Variants in PDZD2 observed in about 807,000 individuals in gnomAD.
PDZD2 encodes PDZ domain containing 2.
In PDZD2, 90 loss-of-function variants were observed where a neutral mutation model predicts 220.7. The observed-to-expected ratio is 0.41, with a 90% CI of 0.34 to 0.49. The LOEUF is 0.49. PDZD2 is among the 20% of genes least tolerant of loss of function. The probability of loss-of-function intolerance (pLI) is 0.28; values close to 1 mark genes in which losing one functional copy is unlikely to be tolerated. For synonymous variants in PDZD2, 1,375 were observed against 1,450.5 expected (o/e 0.95, Z 1.18); for missense variants, 3,174 against 3,608.5 (o/e 0.88, Z 3.08).
At chr5:31,914,088 T>C (rs1743450896) in intron 2 of PDZD2, among the ~76,000 whole-genome samples, 2 of 152,218 alleles carry the variant, frequency 1.3e-5, no homozygotes, top group Non-Finnish European at 2.9e-5. Flanking sequence ...TCCAGTGCCA[T>C]GTGATCCCAG....
chr5:32,035,747 T>C (rs1482525406), intron 6 of PDZD2, among the ~76,000 whole-genome samples: 1 of 152,158 alleles, frequency 6.6e-6, no homozygotes, highest in African/African-American at 2.4e-5. Flanking sequence ...AAAATGCAAA[T>C]CAAGAAGCTT....
intron 24 of PDZD2, among the ~76,000 whole-genome samples, chr5:32,102,647 A>G (rs1459850085): frequency 2.0e-5 from 3 of 152,134 alleles, no homozygotes; most frequent in South Asian, 4.1e-4. Flanking sequence ...CACAACAGAA[A>G]GCTCTCAGAC....
In PDZD2 at chr5:32,061,033, G is replaced by A. The variant is rs777929856; in HGVS notation, c.2350G>A (p.Val784Ile). The A allele has an allele frequency of 1.6e-5, 26 of 1,614,042 alleles. No individual in the cohort carries two copies. In the East Asian group the frequency reaches 2.0e-4, roughly 12 times the overall value. ...GGATCAAATCCTGGAAGTGAACTCC[G>A]TCAACGTCCGCCATGCTGCTTTAAG... The part of the protein sequence containing the change: ...RGDQILEVNS[V>I]NVRHAALSKV... Residue 784 changes from valine to isoleucine, a missense_variant, in exon 14 of 25, where the codon GTC becomes ATC. Physicochemically the swap from Val to Ile is conservative, Grantham distance 29. Around this residue, in one of 4 missense-constraint regions of PDZD2, gnomAD observed 1,861 missense variants for 2,001.0 expected, o/e 0.93. Transcript: ENST00000438447.
At chr5:31,712,672 T>C (rs144156178) in intron 1 of PDZD2, among the ~76,000 whole-genome samples, 3,032 of 152,196 alleles carry the variant, frequency 0.02, 57 homozygotes, top group South Asian at 0.072. Context: ...CCATATTCCA[T>C]TGGCCGAGCA....
chr5:31,886,715 TGA>T, intron 2 of PDZD2, among the ~76,000 whole-genome samples: 1 of 150,124 alleles, frequency 6.7e-6, no homozygotes, highest in East Asian at 2.0e-4. Context: ...TTTTTTTTTT[TGA>T]GACGGAGTCT....
At chr5:31,920,112 C>T (rs1020901084) in intron 2 of PDZD2, among the ~76,000 whole-genome samples, 6 of 151,296 alleles carry the variant, frequency 4.0e-5, no homozygotes, top group African/African-American at 1.2e-4. Flanking sequence ...GACAAAACCA[C>T]GTCTCTACCA....
At chr5:31,822,956 A>G in intron 2 of PDZD2, 4 of 1,079,040 alleles carry the variant, frequency 3.7e-6, no homozygotes, top group Middle Eastern at 3.0e-4. Context: ...CTGTTACCCC[A>G]CCATTTGTCA....
intron 2 of PDZD2, among the ~76,000 whole-genome samples, chr5:31,838,817 G>C (rs549187799): frequency 6.6e-6 from 1 of 152,312 alleles, no homozygotes; most frequent in South Asian, 2.1e-4. Context: ...TTCCCAAGAG[G>C]CCAGGTCTGT....
At chr5:31,910,738 C>T (rs1182842698) in intron 2 of PDZD2, among the ~76,000 whole-genome samples, 1 of 151,760 alleles carries the variant, frequency 6.6e-6, no homozygotes, top group Non-Finnish European at 1.5e-5. Flanking sequence ...CCATGTTGGC[C>T]AGGCTGGTCT....
At chr5:31,777,153 C>T (rs573550693) in intron 1 of PDZD2, among the ~76,000 whole-genome samples, 6 of 152,254 alleles carry the variant, frequency 3.9e-5, no homozygotes, top group Admixed American at 1.3e-4. Flanking sequence ...CGCGGGGCAG[C>T]GTGAGTTCCG....
intron 2 of PDZD2, among the ~76,000 whole-genome samples, chr5:31,894,672 G>T (rs1741376951): frequency 6.6e-6 from 1 of 152,000 alleles, no homozygotes; most frequent in African/African-American, 2.4e-5. Flanking sequence ...TTTTATTCTG[G>T]TTTTTCTATA....
chr5:31,766,717 TA>T (rs1327407201), intron 1 of PDZD2, among the ~76,000 whole-genome samples: 1 of 148,254 alleles, frequency 6.7e-6, no homozygotes, highest in East Asian at 2.0e-4. Flanking sequence ...AGTTCTTTTT[TA>T]AACCTTAAGC....
At chr5:31,755,916 A>G (rs1253284679) in intron 1 of PDZD2, among the ~76,000 whole-genome samples, 5 of 152,090 alleles carry the variant, frequency 3.3e-5, no homozygotes, top group African/African-American at 1.2e-4. Context: ...TGGCCTTGGC[A>G]ATAGACAACA....
At chr5:31,653,510 G>A (rs537632462) in intron 1 of PDZD2, among the ~76,000 whole-genome samples, 19 of 152,172 alleles carry the variant, frequency 1.2e-4, no homozygotes, top group Non-Finnish European at 2.2e-4. Flanking sequence ...ATAATCTAAT[G>A]TGAGAGGGAG....
chr5:32,059,559 T>C (rs1339774069), intron 13 of PDZD2, among the ~76,000 whole-genome samples: 1 of 152,256 alleles, frequency 6.6e-6, no homozygotes, highest in African/African-American at 2.4e-5. Flanking sequence ...TTGAGAACTC[T>C]AGATCTTGGC....
intron 2 of PDZD2, among the ~76,000 whole-genome samples, chr5:31,965,248 A>G (rs1186498700): frequency 6.6e-6 from 1 of 152,194 alleles, no homozygotes. Context: ...CCAAAAGAAG[A>G]GACCCCCAAG....
intron 1 of PDZD2, among the ~76,000 whole-genome samples, chr5:31,740,792 C>T (rs1750213147): frequency 2.0e-5 from 3 of 152,142 alleles, no homozygotes; most frequent in Non-Finnish European, 4.4e-5. Flanking sequence ...CAGGCTTCAT[C>T]TTCAGCATTG....
rs1191444801 is a variant in PDZD2 at position 31,799,205 on chromosome 5, A to C, written c.-44A>C. On this transcript the variant is annotated 5_prime_UTR_variant, in exon 2 of 25. Transcript: ENST00000438447. ...TGGGGCCCTGTGGGGTCTGGCCCCC[A>C]GGAGCAAGACCTCTGATGATGCTGG... 1 of 1,394,378 alleles carries C rather than the reference A, an allele frequency of 7.2e-7. No homozygotes were observed. Among genetic ancestry groups the C allele is most frequent in the Admixed American group, 1.9e-5 (1 of 52,118 alleles). 86.4% of individuals were successfully genotyped at this position (1,394,378 alleles called of 1,614,324 possible).
chr5:31,856,926 ATATATATAT>A (rs1204391360), intron 2 of PDZD2, among the ~76,000 whole-genome samples: 4 of 146,162 alleles, frequency 2.7e-5, no homozygotes, highest in Non-Finnish European at 6.1e-5. Context: ...ATATATATAT[ATATATATAT>A]AACTTTAAAA....
Sources: gnomAD v4.1 joint callset for allele counts (sites outside exome capture counted in the v4.1 genomes callset) on GRCh38, gnomAD v4.1.1 for gene constraint, gnomAD v4.1.1 regional missense constraint, MANE v1.5 for transcripts, NCBI Gene and HGNC (gene_info 2026-07-23, HGNC 2026-07-21) for gene names.